The following SYT2 variants were observed in gnomAD, a reference collection of about 807,000 sequenced individuals.
SYT2 encodes the protein synaptotagmin 2.
A neutral mutation model predicts 39.9 loss-of-function variants in SYT2; 15 were observed. That is an observed-to-expected ratio of 0.38 (90% confidence interval 0.25 to 0.58). The LOEUF (loss-of-function observed/expected upper bound fraction) is 0.58. Among genes scored for constraint, SYT2 ranks in the 20% least tolerant of loss-of-function variants. SYT2 has a pLI of 0.70. For synonymous variants in SYT2, 181 were observed against 204.5 expected, an observed-to-expected ratio of 0.89 and a Z score of 0.98; for missense variants, 389 against 530.3, an observed-to-expected ratio of 0.73 and a Z score of 2.62.
chr1:202,697,073 C>T (rs986486425), intron 1 of SYT2, among the ~76,000 whole-genome samples: 4 of 152,226 alleles, frequency 2.6e-5, no homozygotes, highest in African/African-American at 9.6e-5. Flanking sequence ...AGTAAGTGTT[C>T]CACTAACGGC....
chr1:202,632,012 G>C, intron 1 of SYT2: 1 of 985,158 alleles, frequency 1.0e-6, no homozygotes, highest in Non-Finnish European at 1.2e-6. Context: ...TGCCAATTAT[G>C]TGAGGACCAC....
chr1:202,663,024 T>A (rs1351836049), intron 1 of SYT2, among the ~76,000 whole-genome samples: 3 of 152,166 alleles, frequency 2.0e-5, no homozygotes, highest in African/African-American at 7.2e-5. Context: ...ATGTGAACTG[T>A]CATCAGTCAC....
chr1:202,616,769 A>G lies in SYT2; in HGVS notation c.-17-10980T>C, dbSNP rs911097004. On this transcript the variant is annotated intron_variant, in intron 1 of 8. Coordinates refer to ENST00000367268, the MANE Select transcript of SYT2 (RefSeq NM_177402.5). ...CCTCCTTCGGTTGCCTCAGGCTTGC[A>G]CTTGAGGTCCTTCCCTTCTCAGCCA... 2.0e-5 allele frequency among the ~76,000 whole-genome samples: 3 copies of G among 152,120 alleles called. No individual in the cohort carries two copies. In the South Asian group the frequency reaches 6.2e-4, roughly 32 times the overall value.
chr1:202,613,199 A>G (rs1008746737), intron 1 of SYT2, among the ~76,000 whole-genome samples: 4 of 147,994 alleles, frequency 2.7e-5, no homozygotes, highest in African/African-American at 7.4e-5. Flanking sequence ...TCATGCCTCA[A>G]CCTCTCTAGT....
At position 202,635,539 on chromosome 1, in the gene SYT2, T is replaced by C. The variant is rs554770546; in HGVS notation, c.-17-29750A>G. ...ATGAGCTCACAGTTGATTTTGGGGG[T>C]GACCTTGGCCAAGAAACCTCATCTC... is the stretch of plus-strand genomic sequence containing the variant. On this transcript the variant is annotated intron_variant, in intron 1 of 8. Transcript: ENST00000367268. Among the ~76,000 whole-genome samples the C allele has an allele frequency of 5.3e-5, 8 of 152,132 alleles. No individual in the cohort carries two copies. In the East Asian group the frequency reaches 1.5e-3, roughly 29 times the overall value.
At chr1:202,692,837 A>G (rs1389862019) in intron 1 of SYT2, among the ~76,000 whole-genome samples, 2 of 152,202 alleles carry the variant, frequency 1.3e-5, no homozygotes, top group African/African-American at 4.8e-5. Context: ...AGGTGGGAAG[A>G]TGGCTTGAGC....
chr1:202,685,263 G>A (rs114826127), intron 1 of SYT2, among the ~76,000 whole-genome samples: 59 of 152,294 alleles, frequency 3.9e-4, no homozygotes, highest in Non-Finnish European at 7.5e-4. Context: ...AGAAATAGAA[G>A]AGGGGGCTGT....
chr1:202,672,659 G>T (rs1692614874), intron 1 of SYT2, among the ~76,000 whole-genome samples: 2 of 142,030 alleles, frequency 1.4e-5, no homozygotes, highest in African/African-American at 5.4e-5. Flanking sequence ...CAGATCAGAA[G>T]AAATAATCCA....
intron 1 of SYT2, among the ~76,000 whole-genome samples, chr1:202,669,391 C>T (rs1692540190): frequency 1.3e-5 from 2 of 151,880 alleles, no homozygotes; most frequent in South Asian, 2.1e-4. Flanking sequence ...GTGGCTCACA[C>T]CTGTAATCCC....
intron 4 of SYT2, 82 bp downstream of exon 4, chr1:202,602,917 G>T: frequency 6.5e-7 from 1 of 1,530,532 alleles, no homozygotes; most frequent in Non-Finnish European, 9.0e-7. Flanking sequence ...ACATCTCTGA[G>T]GGAGCTGTTT....
At chr1:202,655,258 C>A (rs1177667884) in intron 1 of SYT2, among the ~76,000 whole-genome samples, 1 of 152,150 alleles carries the variant, frequency 6.6e-6, no homozygotes, top group Non-Finnish European at 1.5e-5. Flanking sequence ...CCATTTCGGA[C>A]AGCAGGAGAT....
intron 1 of SYT2, among the ~76,000 whole-genome samples, chr1:202,627,830 A>T (rs1467883569): frequency 1.3e-5 from 2 of 152,118 alleles, no homozygotes; most frequent in Non-Finnish European, 1.5e-5. Context: ...ACCCAACCCC[A>T]TCCTGAAGCA....
chr1:202,605,403 C>G (rs1303024920), intron 2 of SYT2, 192 bp downstream of exon 2: 3 of 491,010 alleles, frequency 6.1e-6, no homozygotes, highest in East Asian at 3.0e-5. Context: ...CATAAACCCC[C>G]TTGTTTGCCA....
intron 1 of SYT2, among the ~76,000 whole-genome samples, chr1:202,684,243 G>GCTA (rs1408103487): frequency 6.6e-6 from 1 of 152,042 alleles, no homozygotes; most frequent in African/African-American, 2.4e-5. Flanking sequence ...CTGTAGATGA[G>GCTA]CTACTAGTCC....
At chr1:202,706,204 C>G (rs1329489676) in intron 1 of SYT2, among the ~76,000 whole-genome samples, 1 of 151,992 alleles carries the variant, frequency 6.6e-6, no homozygotes, top group Non-Finnish European at 1.5e-5. Context: ...TCCCAGAAAT[C>G]AAGCTTTGGC....
At chr1:202,690,631 GCCA>G (rs1473671573) in intron 1 of SYT2, among the ~76,000 whole-genome samples, 1 of 152,202 alleles carries the variant, frequency 6.6e-6, no homozygotes, top group African/African-American at 2.4e-5. Flanking sequence ...CCTGCGGCAA[GCCA>G]CCAAGTCTCT....
At chr1:202,618,089 A>T (rs1691096371) in intron 1 of SYT2, among the ~76,000 whole-genome samples, 1 of 152,008 alleles carries the variant, frequency 6.6e-6, no homozygotes, top group Non-Finnish European at 1.5e-5. Flanking sequence ...TTTTGTAGAG[A>T]CGGGGTTTCA....
chr1:202,658,530 C>A (rs1326816604), intron 1 of SYT2, among the ~76,000 whole-genome samples: 1 of 152,162 alleles, frequency 6.6e-6, no homozygotes, highest in Admixed American at 6.5e-5. Context: ...CAGGCTATGA[C>A]AGCAGCTGCC....
chr1:202,608,786 A>G (rs1265512092), intron 1 of SYT2, among the ~76,000 whole-genome samples: 3 of 152,228 alleles, frequency 2.0e-5, no homozygotes, highest in Non-Finnish European at 4.4e-5. Flanking sequence ...TTGCTGGGTC[A>G]TAACTATGTT....
Sources: gnomAD v4.1 joint callset for allele counts (sites outside exome capture counted in the v4.1 genomes callset) on GRCh38, gnomAD v4.1.1 for gene constraint, MANE v1.5 for transcripts, NCBI Gene and HGNC (gene_info 2026-07-23, HGNC 2026-07-21) for gene names.